Variants in DIP2B observed in about 807,000 individuals in gnomAD.
DIP2B encodes disco-interacting protein 2 homolog B.
DIP2B carries 76 observed loss-of-function variants against 198.0 expected under a neutral mutation model. The ratio of observed to expected loss-of-function variants is 0.38; its 90% CI spans 0.32 to 0.46. The LOEUF is 0.46. Ranked by LOEUF, DIP2B falls within the 20% of genes least tolerant of loss-of-function variation. The pLI, the probability that DIP2B is intolerant of heterozygous loss-of-function variation, is 0.99. For missense variants in DIP2B, 1,559 were observed against 1,978.4 expected, an observed-to-expected ratio of 0.79 and a Z score of 4.02; for synonymous variants, 701 against 739.1, an observed-to-expected ratio of 0.95 and a Z score of 0.84.
At chr12:50,577,681 G>A (rs1215607870) in intron 1 of DIP2B, among the ~76,000 whole-genome samples, 1 of 151,270 alleles carries the variant, frequency 6.6e-6, no homozygotes, top group Non-Finnish European at 1.5e-5. Flanking sequence ...AGGTAGAAAA[G>A]CAGTTTTACC....
intron 22 of DIP2B, among the ~76,000 whole-genome samples, chr12:50,712,598 C>A (rs1485482270): frequency 6.6e-6 from 1 of 150,396 alleles, no homozygotes; most frequent in Non-Finnish European, 1.5e-5. Flanking sequence ...AGCGAGACTC[C>A]ATCTTAAAAA....
intron 1 of DIP2B, among the ~76,000 whole-genome samples, chr12:50,571,131 G>C (rs1285581847): frequency 6.6e-6 from 1 of 151,884 alleles, no homozygotes; most frequent in Non-Finnish European, 1.5e-5. Flanking sequence ...TGGGGTAGTA[G>C]GGAAGGTCTC....
chr12:50,709,325 GT>G (rs1939570245), intron 22 of DIP2B, among the ~76,000 whole-genome samples: 1 of 152,132 alleles, frequency 6.6e-6, no homozygotes, highest in Non-Finnish European at 1.5e-5. Flanking sequence ...TTTACCAAAA[GT>G]TTTTTTCTAA....
intron 9 of DIP2B, among the ~76,000 whole-genome samples, chr12:50,682,825 CTAAG>C (rs1169618347): frequency 6.6e-6 from 1 of 151,912 alleles, no homozygotes; most frequent in African/African-American, 2.4e-5. Context: ...CTTGGGTTTC[CTAAG>C]TAATTAACTT....
rs933066586 is a variant in DIP2B, at chr12:50,610,777, A to G, written c.101-15199A>G. On this transcript the variant is annotated intron_variant, in intron 1 of 37. Transcript: ENST00000301180. ...CGCCTCAGCCTCCCAAAGTGCTGGG[A>G]TTACAGGCATGAGCCACTGTGCCCA... 8.1e-5 allele frequency among the ~76,000 whole-genome samples: 12 copies of G among 148,302 alleles called. No homozygotes were observed. In the South Asian group the frequency reaches 1.3e-3, roughly 16 times the overall value.
rs999088232 is a variant in DIP2B, at chr12:50,748,195, G to C, written c.*3356G>C. Reference sequence around the variant, plus strand: ...TAAATTACTTTCCTTGAATATCCAGGAATCTTTTAGTCTAAAGCAATGAGG... The same window carrying C: ...TAAATTACTTTCCTTGAATATCCAGCAATCTTTTAGTCTAAAGCAATGAGG... On this transcript the variant is annotated 3_prime_UTR_variant, in exon 38 of 38. Transcript: ENST00000301180. 5 of 152,564 alleles carry C rather than the reference G, an allele frequency of 3.3e-5. No homozygotes were observed. Among genetic ancestry groups the C allele is most frequent in the African/African-American group, 1.2e-4 (5 of 41,420 alleles). 9.5% of individuals were successfully genotyped at this position (152,564 alleles called of 1,614,324 possible).
Position 50,624,262 on chromosome 12 carries a change from C to G in DIP2B, c.101-1714C>G, listed in dbSNP as rs1257846081. Among the ~76,000 whole-genome samples the G allele has an allele frequency of 5.3e-5, 8 of 152,132 alleles. No homozygotes were observed. In the East Asian group the frequency reaches 1.5e-3, roughly 29 times the overall value. On this transcript the variant is annotated intron_variant, in intron 1 of 37. Coordinates refer to ENST00000301180, the MANE Select transcript of DIP2B (RefSeq NM_173602.3). ...TTCTTGTGTGTCCCACAGGCCTGTC[C>G]TAAGCTTAACTCTTTTCTTCGACCT...
chr12:50,526,842 G>T (rs1958170659), intron 1 of DIP2B, among the ~76,000 whole-genome samples: 2 of 151,944 alleles, frequency 1.3e-5, no homozygotes, highest in Non-Finnish European at 2.9e-5. Context: ...CACCATGTTG[G>T]CCAGGTTGGT....
rs531334386 is a variant in DIP2B, at chr12:50,697,295, A to G, written c.2048+120A>G. 19 of 840,372 alleles carry G rather than the reference A, an allele frequency of 2.3e-5. No individual in the cohort carries two copies. In the African/African-American group the frequency reaches 2.9e-4, roughly 13 times the overall value. The allele number at this position is 840,372 out of a possible 1,614,324, so 52.1% of individuals were successfully genotyped here. A position where few individuals can be genotyped will look rare whatever the true frequency, so the allele number is the denominator to read the frequency against. On this transcript the variant is annotated intron_variant, in intron 17 of 37. Transcript: ENST00000301180. ...TTTTCTAAGCAGTTTCAAGCATCTCATTTTTCCCACTCTTGCTCAAAGTGT... is the reference window on the plus strand; with the variant it reads ...TTTTCTAAGCAGTTTCAAGCATCTCGTTTTTCCCACTCTTGCTCAAAGTGT...
At chr12:50,685,774 T>C (rs1342794603) in intron 10 of DIP2B, 59 bp from the exon 11 acceptor site, 2 of 1,526,876 alleles carry the variant, frequency 1.3e-6, no homozygotes, top group Non-Finnish European at 1.8e-6. Context: ...GTGTCAGATA[T>C]GGGCATGAGT....
intron 1 of DIP2B, among the ~76,000 whole-genome samples, chr12:50,605,054 T>C (rs535556493): frequency 6.6e-6 from 1 of 152,208 alleles, no homozygotes; most frequent in South Asian, 2.1e-4. Context: ...GAAGTTTATA[T>C]ACACATACCC....
At chr12:50,560,367 G>A (rs997700311) in intron 1 of DIP2B, among the ~76,000 whole-genome samples, 10 of 149,744 alleles carry the variant, frequency 6.7e-5, no homozygotes, top group African/African-American at 2.5e-4. Flanking sequence ...CTGCATTCCA[G>A]CTTGGGCAAC....
intron 2 of DIP2B, 60 bp from the exon 3 acceptor site, chr12:50,640,654 CTTAAAGTGCT>C (rs1938239256): frequency 1.3e-6 from 2 of 1,558,042 alleles, no homozygotes; most frequent in Admixed American, 1.7e-5. Flanking sequence ...TGTGAGAATG[CTTAAAGTGCT>C]TTAGAAAATG....
intron 13 of DIP2B, 64 bp downstream of exon 13, chr12:50,691,215 T>C: frequency 7.1e-7 from 1 of 1,403,726 alleles, no homozygotes; most frequent in South Asian, 1.2e-5. Flanking sequence ...GTGAGCACAA[T>C]GCTCAGTGAT....
At chr12:50,698,266 G>T in intron 17 of DIP2B, 62 bp from the exon 18 acceptor site, 1 of 1,556,456 alleles carries the variant, frequency 6.4e-7, no homozygotes, top group Non-Finnish European at 8.7e-7. Flanking sequence ...GTCTTCCTAT[G>T]TATTTGTATT....
At chr12:50,622,758 C>T (rs1455297521) in intron 1 of DIP2B, among the ~76,000 whole-genome samples, 3 of 152,114 alleles carry the variant, frequency 2.0e-5, no homozygotes, top group African/African-American at 7.2e-5. Flanking sequence ...ACTACAGGCA[C>T]GCGCCACCAC....
intron 2 of DIP2B, among the ~76,000 whole-genome samples, chr12:50,636,247 T>C (rs959753449): frequency 2.0e-5 from 3 of 152,216 alleles, no homozygotes; most frequent in African/African-American, 7.2e-5. Context: ...TGTGTATGTA[T>C]GTATGCATAG....
intron 1 of DIP2B, among the ~76,000 whole-genome samples, chr12:50,521,953 TTTTA>T (rs1361849790): frequency 6.6e-6 from 1 of 150,990 alleles, no homozygotes; most frequent in Non-Finnish European, 1.5e-5. Flanking sequence ...CCCAAACATT[TTTTA>T]TTTAATTTAT....
Position 50,556,025 on chromosome 12 carries a change from A to G in DIP2B, c.100+50785A>G, listed in dbSNP as rs559266081. Among the ~76,000 whole-genome samples, 21 of 151,862 alleles carry G rather than the reference A, an allele frequency of 1.4e-4. No individual in the cohort carries two copies. In the East Asian group the frequency reaches 3.1e-3, roughly 22 times the overall value. On this transcript the variant is annotated intron_variant, in intron 1 of 37. Transcript: ENST00000301180. The stretch of plus-strand genomic sequence containing the variant: ...CCTGCTTCTCTTCTTCTTGCTATCT[A>G]TTGTCCCGTGTCACATCTCTGACTC...
Sources: gnomAD v4.1 joint callset for allele counts (sites outside exome capture counted in the v4.1 genomes callset) on GRCh38, gnomAD v4.1.1 for gene constraint, MANE v1.5 for transcripts, NCBI Gene and HGNC (gene_info 2026-07-23, HGNC 2026-07-21) for gene names.